ITSN1: variants seen among roughly 807,000 people sequenced by gnomAD.
ITSN1 encodes intersectin 1.
In ITSN1, 58 loss-of-function variants were observed where a neutral mutation model predicts 239.8. The observed-to-expected ratio is 0.24, with a 90% CI of 0.20 to 0.30. The LOEUF (loss-of-function observed/expected upper bound fraction) is 0.30. ITSN1 is among the 10% of genes least tolerant of loss of function. The pLI, the probability that ITSN1 is intolerant of heterozygous loss-of-function variation, is 1.00. For synonymous variants in ITSN1, 780 were observed against 770.8 expected (o/e 1.01, Z -0.20); for missense variants, 1,558 against 2,103.3 (o/e 0.74, Z 5.07).
chr21:33,666,643 A>G (rs2089950072), intron 1 of ITSN1, among the ~76,000 whole-genome samples: 1 of 152,212 alleles, frequency 6.6e-6, no homozygotes, highest in Admixed American at 6.5e-5. Context: ...AAAAGATGAA[A>G]AATGAAAGCC....
chr21:33,712,091 T>A (rs1395993424), intron 1 of ITSN1, among the ~76,000 whole-genome samples: 1 of 152,222 alleles, frequency 6.6e-6, no homozygotes, highest in East Asian at 1.9e-4. Flanking sequence ...TGTGTTTGTG[T>A]TTGCCTCATG....
chr21:33,817,564 C>T, intron 22 of ITSN1: 1 of 1,303,184 alleles, frequency 7.7e-7, no homozygotes, highest in Non-Finnish European at 1.0e-6. Context: ...TTATCTCTGT[C>T]TTCCCCATTA....
At chr21:33,718,218 T>C (rs1328416495) in intron 1 of ITSN1, among the ~76,000 whole-genome samples, 2 of 152,228 alleles carry the variant, frequency 1.3e-5, no homozygotes, top group African/African-American at 4.8e-5. Flanking sequence ...TAGTATAATG[T>C]GTAGCATGTA....
chr21:33,842,493 ACGG>A (rs2074856495), intron 29 of ITSN1, among the ~76,000 whole-genome samples: 1 of 127,158 alleles, frequency 7.9e-6, no homozygotes, highest in African/African-American at 3.5e-5. Flanking sequence ...TATGATGTCA[ACGG>A]TGTGTGTGTG....
At chr21:33,773,000 CTTTTTTTTT>C (rs768551303) in intron 12 of ITSN1, among the ~76,000 whole-genome samples, 2 of 133,062 alleles carry the variant, frequency 1.5e-5, no homozygotes, top group Non-Finnish European at 3.2e-5. Flanking sequence ...CTGCAATCTT[CTTTTTTTTT>C]TTTTTTTTTG....
At chr21:33,711,880 TG>T (rs1482844134) in intron 1 of ITSN1, among the ~76,000 whole-genome samples, 1 of 152,186 alleles carries the variant, frequency 6.6e-6, no homozygotes, top group Non-Finnish European at 1.5e-5. Flanking sequence ...TACTACACAG[TG>T]TTACAGTATT....
At chr21:33,751,612 A>C (rs1004182049) in intron 6 of ITSN1, among the ~76,000 whole-genome samples, 198 bp from the exon 7 acceptor site, 6 of 152,260 alleles carry the variant, frequency 3.9e-5, no homozygotes, top group Non-Finnish European at 8.8e-5. Context: ...GGTGATTTTC[A>C]GTAGAACAAG....
chr21:33,714,156 G>A (rs2146997922), intron 1 of ITSN1, among the ~76,000 whole-genome samples: 1 of 152,222 alleles, frequency 6.6e-6, no homozygotes, highest in East Asian at 1.9e-4. Context: ...CCATAATTTG[G>A]CTATTGTGTT....
Position 33,875,206 on chromosome 21 carries a change from T to C in ITSN1, c.4174-148T>C, listed in dbSNP as rs888816442. The C allele has an allele frequency of 6.6e-5, 50 of 754,534 alleles. No homozygotes were observed. In the African/African-American group the frequency reaches 7.9e-4, roughly 12 times the overall value. The allele number at this position is 754,534 out of a possible 1,614,324, so 46.7% of individuals were successfully genotyped here. A position where few individuals can be genotyped will look rare whatever the true frequency, so the allele number is the denominator to read the frequency against. ...CGTCATCTGCTACGTGATTGCCATGTGGGTGCTCAGAGCTGCGATTGCTCA... is the reference window on the plus strand; with the variant it reads ...CGTCATCTGCTACGTGATTGCCATGCGGGTGCTCAGAGCTGCGATTGCTCA... On this transcript the variant is annotated intron_variant, in intron 33 of 39. Coordinates refer to ENST00000381318, the MANE Select transcript of ITSN1 (RefSeq NM_003024.3).
chr21:33,795,492 G>A (rs1442487364), intron 17 of ITSN1, among the ~76,000 whole-genome samples: 1 of 152,160 alleles, frequency 6.6e-6, no homozygotes, highest in Non-Finnish European at 1.5e-5. Context: ...CTTGAGGCAA[G>A]TCATTGACTT....
intron 9 of ITSN1, among the ~76,000 whole-genome samples, chr21:33,765,426 A>G (rs2068649033): frequency 6.6e-6 from 1 of 152,160 alleles, no homozygotes; most frequent in African/African-American, 2.4e-5. Context: ...AAGCCCGGAA[A>G]GGCTGTGGTG....
chr21:33,739,704 G>A (rs890948590), intron 5 of ITSN1, among the ~76,000 whole-genome samples: 1 of 152,192 alleles, frequency 6.6e-6, no homozygotes, highest in African/African-American at 2.4e-5. Context: ...GGCCTTCCAG[G>A]CTAAAGGAAC....
chr21:33,780,400 T>C (rs930014461), intron 14 of ITSN1, among the ~76,000 whole-genome samples: 5 of 152,238 alleles, frequency 3.3e-5, no homozygotes, highest in Non-Finnish European at 5.9e-5. Flanking sequence ...TGTACAGGGA[T>C]TAGCAGATAC....
chr21:33,821,200 C>T (rs2073654612), intron 24 of ITSN1, among the ~76,000 whole-genome samples: 1 of 152,192 alleles, frequency 6.6e-6, no homozygotes, highest in East Asian at 1.9e-4. Context: ...GTACTGAGGA[C>T]TCAATAAATA....
intron 27 of ITSN1, among the ~76,000 whole-genome samples, chr21:33,833,811 G>A (rs1405563781): frequency 6.6e-6 from 1 of 151,200 alleles, no homozygotes; most frequent in Admixed American, 6.6e-5. Context: ...GGTGGAGCTT[G>A]CAGTGAGCCG....
At chr21:33,740,040 G>A (rs1425061960) in intron 5 of ITSN1, among the ~76,000 whole-genome samples, 3 of 152,194 alleles carry the variant, frequency 2.0e-5, no homozygotes, top group Admixed American at 1.3e-4. Flanking sequence ...GGACTTGTCA[G>A]TAGATTGGAA....
chr21:33,735,122 G>A lies in ITSN1; in HGVS notation c.264G>A (p.Lys88=), dbSNP rs2066418074. The A allele has an allele frequency of 1.2e-6, 2 of 1,613,952 alleles. No homozygotes were observed. The highest frequency in any genetic ancestry group is 1.7e-6 in the Non-Finnish European group (2 of 1,179,912). The change falls in exon 5 of 40, where the codon AAG becomes AAA. Residue 88 remains lysine, a synonymous_variant. Transcript: ENST00000381318. The part of the protein sequence containing the change: ...FSIAMKLIKL[K]LQGYQLPSAL... ...TAGCTATGAAACTTATCAAACTGAA[G>A]CTACAAGGATATCAGCTACCCTCTG...
At chr21:33,673,647 C>A (rs1402828665) in intron 1 of ITSN1, among the ~76,000 whole-genome samples, 1 of 151,538 alleles carries the variant, frequency 6.6e-6, no homozygotes, top group East Asian at 1.9e-4. Context: ...TCGGAACCTA[C>A]CCCTCAGTGG....
chr21:33,865,045 A>G lies in ITSN1; in HGVS notation c.3891-106A>G, dbSNP rs9984732. 768,523 of 1,071,982 alleles carry G rather than the reference A, an allele frequency of 0.72. 279,798 individuals are homozygous for G. The highest frequency in any genetic ancestry group is 0.96 in the East Asian group (34,658 of 36,272). 66.4% of individuals were successfully genotyped at this position (1,071,982 alleles called of 1,614,324 possible). On this transcript the variant is annotated intron_variant, in intron 31 of 39. Transcript: ENST00000381318. The surrounding 1 kb of genome is among the most constrained non-coding windows in gnomAD (Gnocchi z 4.4). ...CCAAATAGATCCTTTAGTGGCCCTTAAGGCTGTGCCCCTCACACACATTCT... is the reference window on the plus strand; with the variant it reads ...CCAAATAGATCCTTTAGTGGCCCTTGAGGCTGTGCCCCTCACACACATTCT...
Sources: allele counts gnomAD v4.1 joint callset (sites outside exome capture counted in the v4.1 genomes callset), GRCh38; gene constraint gnomAD v4.1.1; non-coding constraint Gnocchi (gnomAD v3.1); transcripts MANE v1.5; gene names NCBI Gene and HGNC (gene_info 2026-07-23, HGNC 2026-07-21).